KDM1A: variants seen among roughly 807,000 people sequenced by gnomAD.
KDM1A encodes the protein lysine demethylase 1A.
Under a neutral mutation model 109.4 loss-of-function variants are expected in KDM1A, and 49 were observed. That is an observed-to-expected ratio of 0.45 (90% CI 0.36 to 0.57). The LOEUF is 0.57. Among genes scored for constraint, KDM1A ranks in the 20% least tolerant of loss-of-function variants. The pLI is 0.00. For synonymous variants in KDM1A, 380 were observed against 415.4 expected (o/e 0.91, Z 1.04); for missense variants, 668 against 1,116.6 (o/e 0.60, Z 5.73).
chr1:23,059,866 A>C (rs1642950507), intron 9 of KDM1A, among the ~76,000 whole-genome samples: 1 of 152,168 alleles, frequency 6.6e-6, no homozygotes. Context: ...ATATAAGTAC[A>C]TATTGTCTTT....
At chr1:23,081,705 T>C in intron 19 of KDM1A, 132 bp downstream of exon 19, 2 of 1,106,414 alleles carry the variant, frequency 1.8e-6, no homozygotes, top group East Asian at 5.3e-5. Flanking sequence ...GAATAATTAA[T>C]GTTTGGAGTT....
intron 2 of KDM1A, among the ~76,000 whole-genome samples, chr1:23,042,237 A>C (rs1030470849): frequency 1.3e-5 from 2 of 152,026 alleles, no homozygotes; most frequent in Non-Finnish European, 2.9e-5. Flanking sequence ...ATTTTTGCCA[A>C]GTCAGAAACA....
intron 18 of KDM1A, among the ~76,000 whole-genome samples, chr1:23,080,389 A>G (rs1262299499): frequency 6.6e-6 from 1 of 152,024 alleles, no homozygotes; most frequent in African/African-American, 2.4e-5. Flanking sequence ...TAGCCTTACA[A>G]TCTCTTGCAA....
intron 1 of KDM1A, among the ~76,000 whole-genome samples, chr1:23,020,907 GC>G (rs2124322781): frequency 6.6e-6 from 1 of 152,320 alleles, no homozygotes; most frequent in South Asian, 2.1e-4. Context: ...GGGCACTGGG[GC>G]AGTATTAGGG....
rs1643057829 is a variant in KDM1A, at chr1:23,063,213, G to A, written c.1168-2847G>A. Among the ~76,000 whole-genome samples, 3 of 44,646 alleles carry A rather than the reference G, an allele frequency of 6.7e-5. 1 individual carries two copies. The highest frequency in any genetic ancestry group is 1.0e-4 in the Non-Finnish European group (2 of 19,900). The allele number at this position is 44,646 out of a possible 152,430, so 29.3% of individuals were successfully genotyped here. A position where few individuals can be genotyped will look rare whatever the true frequency, so the allele number is the denominator to read the frequency against. ...TGTAGCATTGGGGGGGGGGTGTGGT[G>A]TGGGGTGGGTGTGTGTGGGTGTGTG... On this transcript the variant is annotated intron_variant, in intron 9 of 20. Coordinates refer to ENST00000400181, the MANE Select transcript of KDM1A (RefSeq NM_001009999.3).
intron 2 of KDM1A, among the ~76,000 whole-genome samples, chr1:23,039,072 T>G (rs551094389): frequency 2.6e-5 from 4 of 152,200 alleles, no homozygotes; most frequent in Non-Finnish European, 5.9e-5. Flanking sequence ...CTGCTTCAAA[T>G]TATCTGAGCC....
chr1:23,044,513 C>A, intron 3 of KDM1A, 27 bp downstream of exon 3: 1 of 1,575,970 alleles, frequency 6.3e-7, no homozygotes, highest in Admixed American at 1.9e-5. Context: ...ATGCTTGCCA[C>A]TTAGTAGCAA....
intron 3 of KDM1A, among the ~76,000 whole-genome samples, chr1:23,049,246 ACT>A (rs1195863196): frequency 1.3e-5 from 2 of 151,658 alleles, no homozygotes; most frequent in Admixed American, 6.6e-5. Context: ...GAATTTTGAA[ACT>A]CTTTAAATTG....
At chr1:23,034,991 T>G (rs1483530901) in intron 2 of KDM1A, among the ~76,000 whole-genome samples, 2 of 152,206 alleles carry the variant, frequency 1.3e-5, no homozygotes, top group Admixed American at 6.5e-5. Flanking sequence ...AAGCTTCCAT[T>G]AAGTCATTGG....
chr1:23,080,776 A>G (rs1643596811), intron 18 of KDM1A: 1 of 152,140 alleles, frequency 6.6e-6, no homozygotes, highest in Admixed American at 6.5e-5. Flanking sequence ...CATAAATTTC[A>G]AAGTATTTCA....
At chr1:23,076,007 T>C (rs1643453779) in intron 15 of KDM1A, among the ~76,000 whole-genome samples, 1 of 152,258 alleles carries the variant, frequency 6.6e-6, no homozygotes, top group Admixed American at 6.5e-5. Flanking sequence ...TTTTAGTATT[T>C]GAAGAGTTGG....
chr1:23,069,573 C>T (rs1643258845), intron 12 of KDM1A, among the ~76,000 whole-genome samples: 1 of 152,220 alleles, frequency 6.6e-6, no homozygotes, highest in Non-Finnish European at 1.5e-5. Flanking sequence ...GCATTCAAAA[C>T]TGTCCTGGGC....
intron 2 of KDM1A, among the ~76,000 whole-genome samples, chr1:23,039,125 C>T (rs1228193898): frequency 6.6e-6 from 1 of 152,196 alleles, no homozygotes; most frequent in African/African-American, 2.4e-5. Context: ...TAGCCCCATT[C>T]TTACTTCTGA....
At chr1:23,081,666 A>C in intron 19 of KDM1A, 93 bp downstream of exon 19, 1 of 1,438,546 alleles carries the variant, frequency 7.0e-7, no homozygotes. Flanking sequence ...GGACAGTTTA[A>C]GCTAGAATTG....
At chr1:23,058,978 GC>G in intron 8 of KDM1A, 94 bp from the exon 9 acceptor site, 1 of 691,306 alleles carries the variant, frequency 1.4e-6, no homozygotes, top group Non-Finnish European at 2.2e-6. Context: ...AAGCTTTTGA[GC>G]TTTTTATATT....
intron 2 of KDM1A, 143 bp downstream of exon 2, chr1:23,030,777 TTGTG>T (rs1557506084): frequency 2.4e-6 from 2 of 818,134 alleles, no homozygotes; most frequent in Non-Finnish European, 3.8e-6. Flanking sequence ...ATGTGTGTCT[TTGTG>T]TGTGTGTATA....
intron 10 of KDM1A, 106 bp from the exon 11 acceptor site, chr1:23,068,433 T>G: frequency 1.1e-6 from 1 of 877,886 alleles, no homozygotes; most frequent in Non-Finnish European, 1.7e-6. Context: ...GGTTTCCCCT[T>G]TGAGATACAT....
chr1:23,045,542 A>G (rs910287291), intron 3 of KDM1A, among the ~76,000 whole-genome samples: 2 of 152,218 alleles, frequency 1.3e-5, no homozygotes, highest in African/African-American at 4.8e-5. Context: ...TGTGGCATAT[A>G]AACCTTGAAG....
At chr1:23,081,336 G>C in intron 18 of KDM1A, 110 bp from the exon 19 acceptor site, 4 of 1,233,998 alleles carry the variant, frequency 3.2e-6, no homozygotes, top group Non-Finnish European at 4.7e-6. Flanking sequence ...GGTACTGCGT[G>C]TGTCTTGTCA....
Sources: allele counts gnomAD v4.1 joint callset (sites outside exome capture counted in the v4.1 genomes callset), GRCh38; gene constraint gnomAD v4.1.1; transcripts MANE v1.5; gene names NCBI Gene and HGNC (gene_info 2026-07-23, HGNC 2026-07-21).